The following CDK19 variants were observed in gnomAD, a reference collection of about 807,000 sequenced individuals.
The protein encoded by CDK19 is cyclin-dependent kinase 19.
CDK19 carries 20 observed loss-of-function variants against 68.3 expected under a neutral mutation model. The ratio of observed to expected loss-of-function variants is 0.29; its 90% CI spans 0.21 to 0.43. The LOEUF (loss-of-function observed/expected upper bound fraction) is 0.43, where lower values mean the gene tolerates loss of function less well. Ranked by LOEUF, CDK19 falls within the 20% of genes least tolerant of loss-of-function variation. CDK19 has a pLI of 1.00. For synonymous variants in CDK19, 221 were observed against 222.8 expected, an observed-to-expected ratio of 0.99 and a Z score of 0.07; for missense variants, 339 against 623.5, an observed-to-expected ratio of 0.54 and a Z score of 4.86.
At chr6:110,754,410 T>C (rs1251841200) in intron 1 of CDK19, among the ~76,000 whole-genome samples, 2 of 152,172 alleles carry the variant, frequency 1.3e-5, no homozygotes, top group South Asian at 2.1e-4. Flanking sequence ...ACTTCAGGCA[T>C]TGCTTTTAAG....
chr6:110,672,502 A>G (rs1374762329), intron 2 of CDK19, among the ~76,000 whole-genome samples: 6 of 152,228 alleles, frequency 3.9e-5, no homozygotes, highest in Non-Finnish European at 7.3e-5. Context: ...TAGATAATAC[A>G]TTCATATGGT....
At chr6:110,731,734 G>A (rs1776774869) in intron 2 of CDK19, among the ~76,000 whole-genome samples, 2 of 152,122 alleles carry the variant, frequency 1.3e-5, no homozygotes, top group Admixed American at 1.3e-4. Context: ...GACTTATACT[G>A]ACAGTCATTC....
chr6:110,735,047 A>G (rs1169918344), intron 2 of CDK19, among the ~76,000 whole-genome samples: 1 of 152,134 alleles, frequency 6.6e-6, no homozygotes, highest in African/African-American at 2.4e-5. Flanking sequence ...ATGGTTATGG[A>G]AAGGAAAATC....
chr6:110,798,632 A>G (rs1342616342), intron 1 of CDK19, among the ~76,000 whole-genome samples: 63 of 149,142 alleles, frequency 4.2e-4, no homozygotes, highest in African/African-American at 1.5e-3. Flanking sequence ...TCTCCAGAAA[A>G]AAAAAAAAAA....
chr6:110,667,405 A>G, intron 4 of CDK19, 29 bp downstream of exon 4: 2 of 1,448,010 alleles, frequency 1.4e-6, no homozygotes, highest in Non-Finnish European at 1.9e-6. Context: ...GGAAAAACAT[A>G]TTGATGAATT....
intron 4 of CDK19, chr6:110,643,125 C>A: frequency 8.7e-7 from 1 of 1,150,668 alleles, no homozygotes; most frequent in Non-Finnish European, 1.1e-6. Context: ...CCTTCAAGGG[C>A]ACTAAAGGAA....
At chr6:110,802,441 C>T (rs1209139592) in intron 1 of CDK19, among the ~76,000 whole-genome samples, 1 of 152,252 alleles carries the variant, frequency 6.6e-6, no homozygotes, top group South Asian at 2.1e-4. Context: ...AAATTAAATA[C>T]CGCATGTCCT....
chr6:110,742,616 G>A (rs1242258476), intron 2 of CDK19, among the ~76,000 whole-genome samples: 1 of 152,166 alleles, frequency 6.6e-6, no homozygotes, highest in Non-Finnish European at 1.5e-5. Flanking sequence ...ATACCCTGGG[G>A]AAAGAATGCA....
intron 2 of CDK19, among the ~76,000 whole-genome samples, chr6:110,684,903 C>T (rs1375351583): frequency 6.6e-6 from 1 of 152,156 alleles, no homozygotes; most frequent in Non-Finnish European, 1.5e-5. Context: ...CTTTGGGAGG[C>T]TGAGGCAGGT....
chr6:110,778,212 A>C (rs1562280699), intron 1 of CDK19, among the ~76,000 whole-genome samples: 1 of 152,352 alleles, frequency 6.6e-6, no homozygotes, highest in East Asian at 1.9e-4. Flanking sequence ...AATTGCAAAA[A>C]AGAAAAATAA....
intron 2 of CDK19, among the ~76,000 whole-genome samples, chr6:110,718,220 A>C (rs1266658726): frequency 6.6e-6 from 1 of 152,196 alleles, no homozygotes; most frequent in Non-Finnish European, 1.5e-5. Flanking sequence ...ATGAAAGCCA[A>C]AATAATGCAG....
At chr6:110,701,908 C>T (rs752294239) in intron 2 of CDK19, among the ~76,000 whole-genome samples, 2 of 150,526 alleles carry the variant, frequency 1.3e-5, no homozygotes, top group African/African-American at 2.4e-5. Flanking sequence ...TTTGGGAGGC[C>T]GGGGCAGGTG....
intron 1 of CDK19, among the ~76,000 whole-genome samples, chr6:110,747,289 C>T (rs1182875828): frequency 6.6e-6 from 1 of 152,130 alleles, no homozygotes; most frequent in African/African-American, 2.4e-5. Flanking sequence ...AAGATTTTCA[C>T]AATCATCTTC....
intron 1 of CDK19, among the ~76,000 whole-genome samples, chr6:110,783,580 G>GT (rs1444926028): frequency 4.0e-5 from 6 of 150,118 alleles, no homozygotes; most frequent in Admixed American, 2.0e-4. Context: ...GGAGGTTTCC[G>GT]TGAGCCGAGA....
intron 1 of CDK19, among the ~76,000 whole-genome samples, chr6:110,791,790 TTGGTTTTTTAAATAA>T (rs1050519732): frequency 1.3e-5 from 2 of 151,852 alleles, no homozygotes; most frequent in East Asian, 1.9e-4. Flanking sequence ...TGTGCCCAGC[TTGGTTTTTTAAATAA>T]TAATAATTAC....
At chr6:110,798,427 C>A (rs932237318) in intron 1 of CDK19, among the ~76,000 whole-genome samples, 1 of 151,898 alleles carries the variant, frequency 6.6e-6, no homozygotes, top group African/African-American at 2.4e-5. Flanking sequence ...GAGTTTGAGA[C>A]CAGCCTGGCC....
intron 1 of CDK19, among the ~76,000 whole-genome samples, chr6:110,803,050 C>T (rs1274742563): frequency 3.3e-5 from 5 of 151,898 alleles, no homozygotes; most frequent in Admixed American, 1.3e-4. Flanking sequence ...GGACAGCCTC[C>T]GGCACAGACA....
chr6:110,815,830 T>G (rs748142152), upstream of CDK19: 7 of 152,492 alleles, frequency 4.6e-5, no homozygotes, highest in African/African-American at 1.7e-4. Flanking sequence ...TTGGCTGCAG[T>G]GACTCGGGAG....
chr6:110,708,239 G>A (rs556798942), intron 2 of CDK19, among the ~76,000 whole-genome samples: 17 of 152,150 alleles, frequency 1.1e-4, no homozygotes, highest in African/African-American at 3.9e-4. Flanking sequence ...TCTATTCAAC[G>A]GTGCTGGTCC....
Sources: allele counts gnomAD v4.1 joint callset (sites outside exome capture counted in the v4.1 genomes callset), GRCh38; gene constraint gnomAD v4.1.1; transcripts MANE v1.5; gene names NCBI Gene and HGNC (gene_info 2026-07-23, HGNC 2026-07-21).